EBF1: variants seen among roughly 807,000 people sequenced by gnomAD.
EBF1 encodes EBF transcription factor 1, also known as transcription factor COE1.
Under a neutral mutation model 68.4 loss-of-function variants are expected in EBF1, and 10 were observed. That is an observed-to-expected ratio of 0.15 (90% confidence interval 0.09 to 0.25). EBF1 has a LOEUF of 0.25. EBF1 is among the 10% of genes least tolerant of loss of function. The probability of loss-of-function intolerance (pLI) is 1.00; values close to 1 mark genes in which losing one functional copy is unlikely to be tolerated. For missense variants in EBF1, 509 were observed against 794.4 expected (o/e 0.64, Z 4.32); for synonymous variants, 298 against 299.8 (o/e 0.99, Z 0.06).
At chr5:158,725,780 T>G (rs1245360605) in intron 11 of EBF1, among the ~76,000 whole-genome samples, 1 of 152,224 alleles carries the variant, frequency 6.6e-6, no homozygotes, top group Non-Finnish European at 1.5e-5. Flanking sequence ...GTGTGCTCTC[T>G]GGGTTCAAGG....
chr5:158,726,514 C>T (rs958086616), intron 11 of EBF1, among the ~76,000 whole-genome samples: 1 of 152,186 alleles, frequency 6.6e-6, no homozygotes, highest in African/African-American at 2.4e-5. Flanking sequence ...GTATTTATTA[C>T]TCCCACTGGA....
At chr5:158,855,013 T>C (rs940744732) in intron 6 of EBF1, among the ~76,000 whole-genome samples, 1 of 152,106 alleles carries the variant, frequency 6.6e-6, no homozygotes, top group Non-Finnish European at 1.5e-5. Flanking sequence ...CCAGGTCACA[T>C]ATAAGTGAAA....
chr5:158,733,569 C>T (rs150731588), intron 10 of EBF1, among the ~76,000 whole-genome samples: 159 of 152,114 alleles, frequency 1.0e-3, no homozygotes, highest in African/African-American at 3.7e-3. Context: ...AGAAGTCATT[C>T]GGCTGCCACA....
chr5:158,901,874 T>C (rs1341285412), intron 6 of EBF1, among the ~76,000 whole-genome samples: 1 of 152,180 alleles, frequency 6.6e-6, no homozygotes, highest in African/African-American at 2.4e-5. Flanking sequence ...GTGGATCACT[T>C]GAGGCCAGGG....
At chr5:158,935,242 T>C (rs1031102918) in intron 6 of EBF1, among the ~76,000 whole-genome samples, 1 of 152,096 alleles carries the variant, frequency 6.6e-6, no homozygotes, top group Non-Finnish European at 1.5e-5. Context: ...GCCAGAGGCA[T>C]CTTGGAGGCA....
intron 14 of EBF1, among the ~76,000 whole-genome samples, chr5:158,711,756 C>T (rs1759382429): frequency 6.6e-6 from 1 of 152,016 alleles, no homozygotes; most frequent in Non-Finnish European, 1.5e-5. Flanking sequence ...TCACTGTAAC[C>T]TTGAACTCCT....
At chr5:159,014,291 A>T (rs181101493) in intron 6 of EBF1, among the ~76,000 whole-genome samples, 1 of 152,370 alleles carries the variant, frequency 6.6e-6, no homozygotes, top group Non-Finnish European at 1.5e-5. Flanking sequence ...GAAAATATAG[A>T]AAGCAAGCAT....
intron 6 of EBF1, among the ~76,000 whole-genome samples, chr5:158,937,110 G>A (rs910725168): frequency 1.3e-4 from 19 of 151,972 alleles, no homozygotes; most frequent in Non-Finnish European, 2.6e-4. Flanking sequence ...GTACAATGAA[G>A]TACAGGTGCA....
intron 6 of EBF1, among the ~76,000 whole-genome samples, chr5:158,991,486 A>C (rs772228977): frequency 6.6e-6 from 1 of 152,198 alleles, no homozygotes; most frequent in Non-Finnish European, 1.5e-5. Flanking sequence ...ACACTACCAC[A>C]TGTTTTGCCA....
chr5:158,797,946 G>A (rs1384017496), intron 8 of EBF1, among the ~76,000 whole-genome samples: 2 of 152,140 alleles, frequency 1.3e-5, no homozygotes, highest in Admixed American at 6.6e-5. Context: ...TAGAGGTTGT[G>A]ATCAGTGTTC....
intron 10 of EBF1, among the ~76,000 whole-genome samples, chr5:158,759,575 G>A (rs1770942860): frequency 6.6e-6 from 1 of 152,090 alleles, no homozygotes; most frequent in Admixed American, 6.6e-5. Flanking sequence ...CAGATGCTTG[G>A]AAATAAAAAT....
At chr5:159,066,501 T>C (rs778609080) in intron 6 of EBF1, among the ~76,000 whole-genome samples, 2 of 152,010 alleles carry the variant, frequency 1.3e-5, no homozygotes, top group Non-Finnish European at 2.9e-5. Context: ...GGCCTGTCCT[T>C]CCCCAGAATC....
At chr5:158,854,042 A>C (rs1165743488) in intron 6 of EBF1, among the ~76,000 whole-genome samples, 1 of 152,204 alleles carries the variant, frequency 6.6e-6, no homozygotes, top group Non-Finnish European at 1.5e-5. Flanking sequence ...CAGTGTTGTC[A>C]GACCCTCCTA....
chr5:158,880,224 C>T (rs907772599), intron 6 of EBF1, among the ~76,000 whole-genome samples: 2 of 152,170 alleles, frequency 1.3e-5, no homozygotes, highest in Non-Finnish European at 2.9e-5. Context: ...ACTCAGCCCC[C>T]CGTCTCATGC....
At position 159,030,951 on chromosome 5, in the gene EBF1, TTA is replaced by T. The variant is rs758491492; in HGVS notation, c.554+42443_554+42444del. The stretch of plus-strand genomic sequence containing the variant: ...ACTTTCGGAGCTCGAGGCAGGCGGA[TTA>T]CCTGAGGTTGGGAGTTCAAGACCAG... On this transcript the variant is annotated intron_variant, in intron 6 of 15. Transcript: ENST00000313708. Among the ~76,000 whole-genome samples the T allele has an allele frequency of 1.8e-3, 280 of 152,240 alleles. 2 individuals are homozygous for T. Among genetic ancestry groups the T allele is most frequent in the Non-Finnish European group, 2.2e-3 (149 of 68,012 alleles).
chr5:158,759,424 G>A (rs1770895454), intron 10 of EBF1, among the ~76,000 whole-genome samples: 1 of 152,150 alleles, frequency 6.6e-6, no homozygotes, highest in Admixed American at 6.6e-5. Flanking sequence ...GAAATTTCAG[G>A]AAGCTTGATC....
chr5:158,909,698 G>A (rs1278363708), intron 6 of EBF1, among the ~76,000 whole-genome samples: 2 of 152,090 alleles, frequency 1.3e-5, no homozygotes, highest in Admixed American at 6.5e-5. Context: ...CAGCACTTTG[G>A]GAGGCCGAGG....
chr5:158,854,370 G>A (rs1045659772), intron 6 of EBF1, among the ~76,000 whole-genome samples: 5 of 152,168 alleles, frequency 3.3e-5, no homozygotes, highest in Admixed American at 3.3e-4. Flanking sequence ...TTTAAGGATC[G>A]CATCACTTGA....
At chr5:158,897,445 A>G (rs1173479613) in intron 6 of EBF1, among the ~76,000 whole-genome samples, 1 of 152,166 alleles carries the variant, frequency 6.6e-6, no homozygotes, top group East Asian at 1.9e-4. Flanking sequence ...GGAGAGGATG[A>G]GGAAAAATAA....
Sources: gnomAD v4.1 joint callset for allele counts (sites outside exome capture counted in the v4.1 genomes callset) on GRCh38, gnomAD v4.1.1 for gene constraint, MANE v1.5 for transcripts, NCBI Gene and HGNC (gene_info 2026-07-23, HGNC 2026-07-21) for gene names.